GPC5: variants seen among roughly 807,000 people sequenced by gnomAD.
GPC5 encodes glypican-5.
GPC5 carries 47 observed loss-of-function variants against 53.9 expected under a neutral mutation model. That is an observed-to-expected ratio of 0.87 (90% CI 0.69 to 1.11). The LOEUF (loss-of-function observed/expected upper bound fraction) is 1.11. GPC5 is among the 50% of genes most tolerant of loss of function. The pLI, the probability that GPC5 is intolerant of heterozygous loss-of-function variation, is 0.00. For missense variants in GPC5, 748 were observed against 713.1 expected (o/e 1.05, Z -0.56); for synonymous variants, 286 against 263.3 (o/e 1.09, Z -0.84).
intron 7 of GPC5, among the ~76,000 whole-genome samples, chr13:92,171,529 C>G (rs1376683925): frequency 6.6e-6 from 1 of 152,140 alleles, no homozygotes; most frequent in African/African-American, 2.4e-5. Context: ...TCCATTTCCC[C>G]TTCTCAACTA....
chr13:91,879,219 G>C (rs1331655603), intron 5 of GPC5, among the ~76,000 whole-genome samples: 2 of 152,124 alleles, frequency 1.3e-5, no homozygotes, highest in Admixed American at 1.3e-4. Context: ...ACAGTACCAT[G>C]GTGGTTTCTT....
chr13:91,911,963 G>C (rs1229931027), intron 6 of GPC5, among the ~76,000 whole-genome samples: 1 of 152,138 alleles, frequency 6.6e-6, no homozygotes, highest in Non-Finnish European at 1.5e-5. Context: ...ATACCCAAGA[G>C]GAATGTGCAG....
In GPC5 at chr13:91,935,513, G is replaced by A. The variant is rs140915219; in HGVS notation, c.1401+27456G>A. 7.7e-3 allele frequency among the ~76,000 whole-genome samples: 1,169 copies of A among 152,038 alleles called. 11 individuals are homozygous for A. The highest frequency in any genetic ancestry group is 0.012 in the Non-Finnish European group (838 of 67,928). ...AATATTGAATCTGCTGGTACCTTGA[G>A]TTTGGACTGTCAGCCTCTAGAATTG... On this transcript the variant is annotated intron_variant, in intron 6 of 7. Transcript: ENST00000377067.
intron 7 of GPC5, among the ~76,000 whole-genome samples, chr13:92,715,997 G>A (rs1477497610): frequency 6.6e-6 from 1 of 152,078 alleles, no homozygotes; most frequent in Admixed American, 6.6e-5. Context: ...CTGAAATGCA[G>A]CACATATTTT....
At chr13:91,414,831 TA>T (rs1321245953) in intron 1 of GPC5, among the ~76,000 whole-genome samples, 1 of 152,118 alleles carries the variant, frequency 6.6e-6, no homozygotes, top group Non-Finnish European at 1.5e-5. Context: ...ATTTTCCAAC[TA>T]ACTATGAAGG....
rs1220689076 is a variant in GPC5, at chr13:92,628,243, CTTTTCT to C, written c.1562-238024_1562-238019del. Among the ~76,000 whole-genome samples the C allele has an allele frequency of 8.8e-4, 63 of 71,454 alleles. 1 individual carries two copies. The highest frequency in any genetic ancestry group is 0.011 in the Middle Eastern group (1 of 90). 46.9% of individuals were successfully genotyped at this position (71,454 alleles called of 152,430 possible). A position where few individuals can be genotyped will look rare whatever the true frequency, so the allele number is the denominator to read the frequency against. ...TATTCTTGAGAATCAATCCTATTTT[CTTTTCT>C]TTTTCTTTTTCTTTCTTTTTTTTTT... is the stretch of plus-strand genomic sequence containing the variant. On this transcript the variant is annotated intron_variant, in intron 7 of 7. Transcript: ENST00000377067.
At chr13:92,355,901 T>G (rs1190118522) in intron 7 of GPC5, among the ~76,000 whole-genome samples, 1 of 119,500 alleles carries the variant, frequency 8.4e-6, no homozygotes, top group East Asian at 2.4e-4. Flanking sequence ...TTTTTTTTTT[T>G]GCTAAATTGC....
intron 7 of GPC5, among the ~76,000 whole-genome samples, chr13:92,705,124 T>TATCTCTAG (rs1294859533): frequency 1.3e-5 from 2 of 152,016 alleles, no homozygotes; most frequent in African/African-American, 4.8e-5. Flanking sequence ...TTAAGTGACA[T>TATCTCTAG]ATCTCTAGTG....
chr13:92,832,587 C>A (rs181789551), intron 7 of GPC5, among the ~76,000 whole-genome samples: 1 of 152,238 alleles, frequency 6.6e-6, no homozygotes, highest in Non-Finnish European at 1.5e-5. Context: ...CTGCTTAGTG[C>A]AGTTAAGAAG....
intron 7 of GPC5, among the ~76,000 whole-genome samples, chr13:92,619,877 T>G (rs1306976682): frequency 1.3e-5 from 2 of 152,056 alleles, no homozygotes; most frequent in African/African-American, 4.8e-5. Flanking sequence ...TAGTTAAGAT[T>G]ATGCTAAAAC....
chr13:92,307,111 A>G (rs931120740), intron 7 of GPC5, among the ~76,000 whole-genome samples: 1 of 152,266 alleles, frequency 6.6e-6, no homozygotes, highest in Non-Finnish European at 1.5e-5. Context: ...TTTAACTTTC[A>G]TTGTGCCTCA....
intron 1 of GPC5, among the ~76,000 whole-genome samples, chr13:91,429,579 G>A (rs1879286765): frequency 6.6e-6 from 1 of 152,160 alleles, no homozygotes; most frequent in Non-Finnish European, 1.5e-5. Context: ...GAAGAGAGAT[G>A]TCAAGGGTAT....
At chr13:91,995,118 C>T (rs1276196886) in intron 6 of GPC5, 5 of 152,002 alleles carry the variant, frequency 3.3e-5, no homozygotes, top group African/African-American at 1.2e-4. Flanking sequence ...ACTACAGGCG[C>T]CCACCACCAC....
At chr13:92,695,178 C>T (rs554615676) in intron 7 of GPC5, among the ~76,000 whole-genome samples, 2 of 152,112 alleles carry the variant, frequency 1.3e-5, no homozygotes, top group Admixed American at 6.5e-5. Flanking sequence ...TGAAAAGGGA[C>T]GACTACAAGC....
At chr13:91,971,533 C>T (rs573127631) in intron 6 of GPC5, among the ~76,000 whole-genome samples, 90 of 152,046 alleles carry the variant, frequency 5.9e-4, no homozygotes, top group African/African-American at 2.1e-3. Context: ...GCTCTTGCTT[C>T]TCTAGTTCTT....
At chr13:91,504,946 G>C (rs1387831161) in intron 2 of GPC5, among the ~76,000 whole-genome samples, 1 of 152,108 alleles carries the variant, frequency 6.6e-6, no homozygotes, top group Non-Finnish European at 1.5e-5. Context: ...GAGGGAGACT[G>C]TCTCTGTAAA....
intron 2 of GPC5, among the ~76,000 whole-genome samples, chr13:91,500,938 G>C (rs868517391): frequency 6.6e-6 from 1 of 152,016 alleles, no homozygotes; most frequent in Non-Finnish European, 1.5e-5. Context: ...AACCCCTTTC[G>C]CTTGGTTCTC....
chr13:92,023,230 T>G (rs1358210898), intron 6 of GPC5, among the ~76,000 whole-genome samples: 21 of 152,214 alleles, frequency 1.4e-4, no homozygotes, highest in Admixed American at 1.3e-3. Context: ...CTGGTCAATT[T>G]TTTTTATATT....
intron 4 of GPC5, among the ~76,000 whole-genome samples, chr13:91,750,898 G>A (rs1406527797): frequency 1.3e-5 from 2 of 152,126 alleles, no homozygotes; most frequent in Non-Finnish European, 2.9e-5. Context: ...CTGACCTCAG[G>A]TGATTCGCCC....
Sources: gnomAD v4.1 joint callset for allele counts (sites outside exome capture counted in the v4.1 genomes callset) on GRCh38, gnomAD v4.1.1 for gene constraint, MANE v1.5 for transcripts, NCBI Gene and HGNC (gene_info 2026-07-23, HGNC 2026-07-21) for gene names.